KIAA1614: variants seen among roughly 807,000 people sequenced by gnomAD.
The protein encoded by KIAA1614 is uncharacterized protein KIAA1614.
A neutral mutation model predicts 88.7 loss-of-function variants in KIAA1614; 76 were observed. The observed-to-expected ratio is 0.86, with a 90% CI of 0.71 to 1.04. The LOEUF (loss-of-function observed/expected upper bound fraction) is 1.04, where lower values mean the gene tolerates loss of function less well. KIAA1614 is among the 50% of genes least tolerant of loss of function. The pLI is 0.00. For synonymous variants in KIAA1614, 714 were observed against 675.5 expected (o/e 1.06, Z -0.88); for missense variants, 1,553 against 1,582.5 (o/e 0.98, Z 0.32).
chr1:180,928,398 C>G, intron 3 of KIAA1614, 32 bp from the exon 4 acceptor site: 1 of 1,504,890 alleles, frequency 6.6e-7, no homozygotes, highest in Non-Finnish European at 8.9e-7. Context: ...TAATCCCTCC[C>G]CCACCACCCT....
intron 7 of KIAA1614, among the ~76,000 whole-genome samples, chr1:180,943,614 T>C (rs1654521305): frequency 7.3e-6 from 1 of 136,774 alleles, no homozygotes. Flanking sequence ...AATGGCATGA[T>C]TTCAGCTCAC....
intron 6 of KIAA1614, 40 bp from the exon 7 acceptor site, chr1:180,941,005 G>GGGGCC: frequency 6.9e-5 from 6 of 87,412 alleles, no homozygotes; most frequent in East Asian, 1.9e-4. Context: ...CCACCCTCCC[G>GGGGCC]GCCCTCCCCC....
intron 2 of KIAA1614, 66 bp from the exon 3 acceptor site, chr1:180,917,785 C>A: frequency 7.7e-7 from 1 of 1,305,100 alleles, no homozygotes; most frequent in Non-Finnish European, 1.1e-6. Flanking sequence ...TCAGTGTTCA[C>A]TAAGTGGCAG....
rs1474322536 is a variant in KIAA1614, at chr1:180,923,704, A to T, written c.1062-4726A>T. Reference sequence around the variant, plus strand: ...GAAATGTCTGGCAGAGGCACGTCGTAAAGAGTGTGAGTAAGGGCTCAGCAA... The same window carrying T: ...GAAATGTCTGGCAGAGGCACGTCGTTAAGAGTGTGAGTAAGGGCTCAGCAA... On this transcript the variant is annotated intron_variant, in intron 3 of 8. Transcript: ENST00000367588. 2.0e-5 allele frequency among the ~76,000 whole-genome samples: 3 copies of T among 152,048 alleles called. No homozygotes were observed. In the South Asian group the frequency reaches 6.2e-4, roughly 32 times the overall value.
chr1:180,923,143 A>G (rs1192828194), intron 3 of KIAA1614, among the ~76,000 whole-genome samples: 1 of 152,202 alleles, frequency 6.6e-6, no homozygotes, highest in African/African-American at 2.4e-5. Context: ...GCTGTCCTGA[A>G]GCTGTCCTGC....
In KIAA1614 at chr1:180,938,695, G is replaced by A. The variant is rs200646040; in HGVS notation, c.2902G>A (p.Gly968Arg). 1.5e-4 allele frequency: 246 copies of A among 1,614,078 alleles called. No individual in the cohort carries two copies. Among genetic ancestry groups the A allele is most frequent in the Non-Finnish European group, 1.5e-4 (179 of 1,179,966 alleles). The change falls in exon 6 of 9, where the codon GGA becomes AGA. Residue 968 changes from glycine to arginine, a missense_variant. Physicochemically the swap from Gly to Arg is moderately radical, Grantham distance 125 (BLOSUM62 -2). Transcript: ENST00000367588. ...SLQRTGSGSG[G>R]HVLSRASAGA... ...GCAGAGGACAGGGTCAGGATCTGGA[G>A]GACATGTGCTGTCAAGGTGAGTGAC...
intron 7 of KIAA1614, among the ~76,000 whole-genome samples, chr1:180,943,566 T>TTTA (rs1654519507): frequency 6.9e-6 from 1 of 144,394 alleles, no homozygotes; most frequent in Non-Finnish European, 1.5e-5. Context: ...TTTTTTTTTT[T>TTTA]GAGACAGGGT....
At chr1:180,928,303 G>C in intron 3 of KIAA1614, 127 bp from the exon 4 acceptor site, 1 of 1,162,506 alleles carries the variant, frequency 8.6e-7, no homozygotes, top group Non-Finnish European at 1.2e-6. Flanking sequence ...GGTGCTAGAG[G>C]AGGAAGGCTG....
rs192741655 is a variant in KIAA1614, at chr1:180,935,769, C to T, written c.1860C>T (p.Asn620=). 779 of 1,613,900 alleles carry T rather than the reference C, an allele frequency of 4.8e-4. No individual in the cohort carries two copies. Among genetic ancestry groups the T allele is most frequent in the Non-Finnish European group, 5.9e-4 (698 of 1,179,956 alleles). Residue 620 remains asparagine, a synonymous_variant, in exon 5 of 9, where the codon AAC becomes AAT. Coordinates refer to ENST00000367588, the MANE Select transcript of KIAA1614 (RefSeq NM_020950.2). This position sits in a 1 kb window ranked among gnomAD's most constrained non-coding sequence, Gnocchi z 6.1. ...TGGACAGCACAGACAACTCTGACAA[C>T]TGCAGGACCGACAGTGAGGAGGCGG... ...SALDSTDNSD[N]CRTDSEEAGT... is the part of the protein sequence containing the mutation.
chr1:180,943,550 C>CTTTTTT lies in KIAA1614; in HGVS notation c.3160-828_3160-823dup, dbSNP rs60128001. ...ATTGTAGGATTGAATGGTAGTAGAT[C>CTTTTTT]TTTTTTTTTTTTTTTTGAGACAGGG... On this transcript the variant is annotated intron_variant, in intron 7 of 8. Coordinates refer to ENST00000367588, the MANE Select transcript of KIAA1614 (RefSeq NM_020950.2). Among the ~76,000 whole-genome samples the CTTTTTT allele has an allele frequency of 1.9e-3, 188 of 98,212 alleles. 18 individuals are homozygous for CTTTTTT. The highest frequency in any genetic ancestry group is 7.8e-3 in the Middle Eastern group (1 of 128). 64.4% of individuals were successfully genotyped at this position (98,212 alleles called of 152,430 possible).
At chr1:180,944,564 G>A in intron 8 of KIAA1614, 48 bp downstream of exon 8, 1 of 1,593,700 alleles carries the variant, frequency 6.3e-7, no homozygotes, top group Non-Finnish European at 8.6e-7. Context: ...AGAGTGACCA[G>A]CGGAGCCAAA....
At chr1:180,927,454 G>A (rs1280367886) in intron 3 of KIAA1614, among the ~76,000 whole-genome samples, 3 of 152,228 alleles carry the variant, frequency 2.0e-5, no homozygotes, top group Non-Finnish European at 2.9e-5. Flanking sequence ...GCTTGCAATT[G>A]ACGTTCGACC....
In KIAA1614 at chr1:180,916,736, C is replaced by A; in HGVS notation, c.633C>A (p.Ser211Arg). Residue 211 changes from serine (S) to arginine (R), a missense_variant, in exon 2 of 9, where the codon AGC (serine) becomes AGA (arginine). Ser to Arg is a moderately radical substitution (Grantham distance 110). Coordinates refer to ENST00000367588, the MANE Select transcript of KIAA1614 (RefSeq NM_020950.2). The stretch of plus-strand genomic sequence containing the variant: ...TGGGGCCCAGCTCTTTGCAACAGAG[C>A]CCGATCCATGGAGTTACTCCCGGAC... ...PLLGPSSLQQ[S>R]PIHGVTPGRP... The A allele has an allele frequency of 1.9e-6, 3 of 1,614,058 alleles. No homozygotes were observed. The highest frequency in any genetic ancestry group is 2.5e-6 in the Non-Finnish European group (3 of 1,179,962).
intron 6 of KIAA1614, among the ~76,000 whole-genome samples, chr1:180,940,563 C>CG (rs1272198849): frequency 3.3e-5 from 5 of 152,064 alleles, no homozygotes; most frequent in Non-Finnish European, 5.9e-5. Flanking sequence ...AGTATTATGG[C>CG]GGGGGGCTTG....
At position 180,935,154 on chromosome 1, in the gene KIAA1614, C is replaced by T; in HGVS notation, c.1245C>T (p.Thr415=). 6.9e-7 allele frequency: 1 copy of T among 1,457,698 alleles called. No individual in the cohort carries two copies. Among genetic ancestry groups the T allele is most frequent in the Non-Finnish European group, 9.0e-7 (1 of 1,105,294 alleles). 90.3% of individuals were successfully genotyped at this position (1,457,698 alleles called of 1,614,324 possible). A position where few individuals can be genotyped will look rare whatever the true frequency, so the allele number is the denominator to read the frequency against. Reference sequence around the variant, plus strand: ...GCCCAGCCCGGGACCCCAGGACGACCCCTGCCTGCAGAGACAGCCTCCAGA... The same window carrying T: ...GCCCAGCCCGGGACCCCAGGACGACTCCTGCCTGCAGAGACAGCCTCCAGA... ...HRSPARDPRT[T]PACRDSLQNG... Residue 415 remains threonine (T), a synonymous_variant, in exon 5 of 9, where the codon ACC becomes ACT. Coordinates refer to ENST00000367588, the MANE Select transcript of KIAA1614 (RefSeq NM_020950.2). The surrounding 1 kb of genome is among the most constrained non-coding windows in gnomAD (Gnocchi z 6.1).
intron 4 of KIAA1614, among the ~76,000 whole-genome samples, chr1:180,929,386 G>A (rs1441709742): frequency 6.6e-6 from 1 of 152,174 alleles, no homozygotes; most frequent in Non-Finnish European, 1.5e-5. Context: ...GCCGAGGGGT[G>A]AGGCCTCAGT....
intron 3 of KIAA1614, among the ~76,000 whole-genome samples, chr1:180,927,035 A>G (rs1419422987): frequency 6.6e-6 from 1 of 152,198 alleles, no homozygotes. Context: ...GCAAATAGTG[A>G]GAAGAAAAAG....
At chr1:180,927,017 G>A (rs1315279331) in intron 3 of KIAA1614, among the ~76,000 whole-genome samples, 2 of 152,180 alleles carry the variant, frequency 1.3e-5, no homozygotes, top group African/African-American at 4.8e-5. Flanking sequence ...CCCAAAACAG[G>A]GTTGGATGCA....
intron 5 of KIAA1614, 101 bp from the exon 6 acceptor site, chr1:180,938,454 C>A (rs1654379229): frequency 2.2e-6 from 3 of 1,340,534 alleles, no homozygotes; most frequent in Non-Finnish European, 3.1e-6. Context: ...ACCTCTCCAG[C>A]TTCTTCTCAC....
Sources: gnomAD v4.1 joint callset for allele counts (sites outside exome capture counted in the v4.1 genomes callset) on GRCh38, gnomAD v4.1.1 for gene constraint, Gnocchi (gnomAD v3.1) non-coding constraint, MANE v1.5 for transcripts, NCBI Gene and HGNC (gene_info 2026-07-23, HGNC 2026-07-21) for gene names.